Variants in SLC35F2 observed in about 807,000 individuals in gnomAD.
The protein encoded by SLC35F2 is queuine/queuosine transporter SLC35F2.
In SLC35F2, 25 loss-of-function variants were observed where a neutral mutation model predicts 38.1. The ratio of observed to expected loss-of-function variants is 0.66; its 90% CI spans 0.48 to 0.92. SLC35F2 has a LOEUF of 0.92. Ranked by LOEUF, SLC35F2 falls within the 40% of genes least tolerant of loss-of-function variation. The pLI, the probability that SLC35F2 is intolerant of heterozygous loss-of-function variation, is 0.00. For synonymous variants in SLC35F2, 173 were observed against 181.7 expected (o/e 0.95, Z 0.38); for missense variants, 409 against 452.9 (o/e 0.90, Z 0.88).
At chr11:107,821,545 ATT>A (rs1298031550) in intron 1 of SLC35F2, 1 of 985,230 alleles carries the variant, frequency 1.0e-6, no homozygotes, top group Admixed American at 6.2e-5. Context: ...CCTCAAAACA[ATT>A]TTTGTTACTT....
At chr11:107,843,035 C>T (rs493037) in intron 1 of SLC35F2, among the ~76,000 whole-genome samples, 53,968 of 151,980 alleles carry the variant, frequency 0.36, 9,807 homozygotes, top group South Asian at 0.49. Context: ...ATTTTATCAA[C>T]GTGATATAAG....
intron 1 of SLC35F2, among the ~76,000 whole-genome samples, chr11:107,843,868 A>ATAT (rs1484039784): frequency 4.7e-4 from 22 of 46,758 alleles, no homozygotes; most frequent in Non-Finnish European, 7.1e-4. Context: ...AAAAAAAAAA[A>ATAT]ATATATATAT....
chr11:107,858,584 C>CT (rs1591216271), intron 1 of SLC35F2, 74 bp downstream of exon 1: 1 of 1,218,950 alleles, frequency 8.2e-7, no homozygotes, highest in East Asian at 3.2e-5. Flanking sequence ...GAGTGTGCTC[C>CT]TTGTCCACGT....
Position 107,803,009 on chromosome 11 carries a change from C to T in SLC35F2, c.931G>A (p.Gly311Ser), listed in dbSNP as rs1172650118. 1 of 1,608,384 alleles carries T rather than the reference C, an allele frequency of 6.2e-7. No individual in the cohort carries two copies. The highest frequency in any genetic ancestry group is 1.7e-5 in the Admixed American group (1 of 58,150). Residue 311 changes from glycine to serine, a missense_variant, in exon 7 of 8, where the codon GGC becomes AGC. Coordinates refer to ENST00000525815, the MANE Select transcript of SLC35F2 (RefSeq NM_017515.5). ...GTGATCTATTTGTTTACCTTATAGC[C>T]AAACAGAAAGAGTCCAACAAAAAGG... ...YSLFVGLFLF[G>S]YKFSGLYILS...
intron 6 of SLC35F2, 142 bp from the exon 7 acceptor site, chr11:107,803,297 A>G: frequency 1.5e-6 from 2 of 1,319,058 alleles, no homozygotes; most frequent in Non-Finnish European, 1.9e-6. Context: ...AGCATTGAAA[A>G]TGAGACCATA....
At position 107,857,696 on chromosome 11, in the gene SLC35F2, GA is replaced by G. The variant is rs1166410928; in HGVS notation, c.110+961del. 6.7e-5 allele frequency among the ~76,000 whole-genome samples: 10 copies of G among 149,338 alleles called. No individual in the cohort carries two copies. The East Asian group carries it at 9.7e-4, about 14-fold the overall frequency. ...AAAGGGAAATTCGCTTTGTTAATAT[GA>G]AAAAAAAATCAAATATCTGTTTCAT... On this transcript the variant is annotated intron_variant, in intron 1 of 7. Coordinates refer to ENST00000525815, the MANE Select transcript of SLC35F2 (RefSeq NM_017515.5).
chr11:107,840,580 T>G (rs1337365594), intron 1 of SLC35F2: 1 of 152,190 alleles, frequency 6.6e-6, no homozygotes, highest in Non-Finnish European at 1.5e-5. Context: ...ATCTAAATTG[T>G]CCAATGCAAT....
At chr11:107,800,469 TTAA>T (rs1859289876) in intron 7 of SLC35F2, among the ~76,000 whole-genome samples, 1 of 152,162 alleles carries the variant, frequency 6.6e-6, no homozygotes, top group Non-Finnish European at 1.5e-5. Context: ...AGAAAGATAG[TTAA>T]TAACCTCTAC....
chr11:107,815,783 G>C lies in SLC35F2; in HGVS notation c.286+7C>G, dbSNP rs774856002. ...TGTTGAAAAGATAATTTCCACATTTGACATACCTGATCGAAATGCCAGCAT... is the reference window on the plus strand; with the variant it reads ...TGTTGAAAAGATAATTTCCACATTTCACATACCTGATCGAAATGCCAGCAT... On this transcript the variant is annotated splice_region_variant and intron_variant, in intron 2 of 7. Coordinates refer to ENST00000525815, the MANE Select transcript of SLC35F2 (RefSeq NM_017515.5). The C allele has an allele frequency of 1.9e-6, 3 of 1,601,844 alleles. No individual in the cohort carries two copies. The highest frequency in any genetic ancestry group is 2.2e-5 in the East Asian group (1 of 44,648).
intron 3 of SLC35F2, chr11:107,810,989 CTG>C (rs1859471443): frequency 1.0e-6 from 1 of 983,956 alleles, no homozygotes; most frequent in South Asian, 4.7e-5. Context: ...TATAAACAAA[CTG>C]TGACATCTAA....
chr11:107,850,263 G>T (rs1359670034), intron 1 of SLC35F2, among the ~76,000 whole-genome samples: 1 of 152,198 alleles, frequency 6.6e-6, no homozygotes, highest in Non-Finnish European at 1.5e-5. Context: ...TCACAGTGAT[G>T]TTTGTGGAGG....
In SLC35F2 at chr11:107,803,070, G is replaced by C. The variant is rs749469911; in HGVS notation, c.870C>G (p.Ser290=). ...CCGCTGTCAGGATGCCCAGGTTGAC[G>C]GAAGTGGCACTAGTGACTTTAATCA... ...PLVIKVTSAT[S]VNLGILTADL... Residue 290 remains serine (S), a synonymous_variant, in exon 7 of 8, where the codon TCC becomes TCG. Coordinates refer to ENST00000525815, the MANE Select transcript of SLC35F2 (RefSeq NM_017515.5). 22 of 1,613,880 alleles carry C rather than the reference G, an allele frequency of 1.4e-5. No individual in the cohort carries two copies. Among genetic ancestry groups the C allele is most frequent in the Non-Finnish European group, 1.7e-5 (20 of 1,179,972 alleles).
intron 7 of SLC35F2, among the ~76,000 whole-genome samples, chr11:107,793,472 A>AGCCC (rs1239502409): frequency 2.0e-5 from 3 of 152,182 alleles, no homozygotes; most frequent in African/African-American, 7.2e-5. Flanking sequence ...CAGACCCTAG[A>AGCCC]CACTGCTTAC....
chr11:107,847,901 G>A (rs772385893), intron 1 of SLC35F2, among the ~76,000 whole-genome samples: 1 of 152,154 alleles, frequency 6.6e-6, no homozygotes, highest in Non-Finnish European at 1.5e-5. Context: ...AGAGGGAAGT[G>A]GGCCAGTGAT....
intron 1 of SLC35F2, chr11:107,840,642 G>C (rs537182187): frequency 6.6e-6 from 1 of 152,288 alleles, no homozygotes. Context: ...GAAGCCAACA[G>C]CAAACGCAAT....
chr11:107,850,215 G>A (rs4753821), intron 1 of SLC35F2, among the ~76,000 whole-genome samples: 2 of 151,886 alleles, frequency 1.3e-5, no homozygotes, highest in African/African-American at 2.4e-5. Flanking sequence ...CTATCATCTC[G>A]TTCTTCAGCA....
At chr11:107,842,707 C>G (rs1328256203) in intron 1 of SLC35F2, among the ~76,000 whole-genome samples, 1 of 152,036 alleles carries the variant, frequency 6.6e-6, no homozygotes, top group Non-Finnish European at 1.5e-5. Flanking sequence ...GAAATTGGTA[C>G]GACTGCTTTG....
At chr11:107,816,066 A>T in intron 1 of SLC35F2, 101 bp from the exon 2 acceptor site, 1 of 1,323,744 alleles carries the variant, frequency 7.6e-7, no homozygotes, top group Admixed American at 3.6e-5. Flanking sequence ...CTAAACACAA[A>T]GGGAAATGCT....
At position 107,805,413 on chromosome 11, in the gene SLC35F2, T is replaced by C. The variant is rs1404455801; in HGVS notation, c.677A>G (p.Gln226Arg). 1 of 1,614,190 alleles carries C rather than the reference T, an allele frequency of 6.2e-7. No homozygotes were observed. Among genetic ancestry groups the C allele is most frequent in the Non-Finnish European group, 8.5e-7 (1 of 1,180,016 alleles). Residue 226 changes from glutamine (Q) to arginine (R), a missense_variant, in exon 5 of 8, where the codon CAG becomes CGG. Transcript: ENST00000525815. ...EEYIVKKLSRQEFLGMVGLFG... is the reference protein window; with the variant it reads ...EEYIVKKLSRREFLGMVGLFG... ...CAGGCCCACCATTCCTAAAAACTCC[T>C]GTCTGCTCAGCTTCTTCACGATGTA...
Sources: gnomAD v4.1 joint callset for allele counts (sites outside exome capture counted in the v4.1 genomes callset) on GRCh38, gnomAD v4.1.1 for gene constraint, MANE v1.5 for transcripts, NCBI Gene and HGNC (gene_info 2026-07-23, HGNC 2026-07-21) for gene names.